The following SEMA3C variants were observed in gnomAD, a reference collection of about 807,000 sequenced individuals.
SEMA3C encodes semaphorin-3C.
Under a neutral mutation model 89.4 loss-of-function variants are expected in SEMA3C, and 47 were observed. That is an observed-to-expected ratio of 0.53 (90% CI 0.42 to 0.67). SEMA3C has a LOEUF of 0.67. Ranked by LOEUF, SEMA3C falls within the 30% of genes least tolerant of loss-of-function variation. The probability of loss-of-function intolerance (pLI) is 0.00; values close to 1 mark genes in which losing one functional copy is unlikely to be tolerated. For synonymous variants in SEMA3C, 310 were observed against 320.2 expected, an observed-to-expected ratio of 0.97 and a Z score of 0.34; for missense variants, 839 against 929.1, an observed-to-expected ratio of 0.90 and a Z score of 1.26.
intron 2 of SEMA3C, among the ~76,000 whole-genome samples, chr7:80,839,298 G>T (rs2115868418): frequency 6.6e-6 from 1 of 152,250 alleles, no homozygotes; most frequent in Non-Finnish European, 1.5e-5. Flanking sequence ...TGTAGAGGAG[G>T]AAACACTTCA....
At chr7:80,798,772 T>C (rs532499431) in intron 10 of SEMA3C, among the ~76,000 whole-genome samples, 6 of 152,194 alleles carry the variant, frequency 3.9e-5, no homozygotes, top group African/African-American at 1.4e-4. Flanking sequence ...GAACAAAAAA[T>C]AGGGGCCCAA....
intron 12 of SEMA3C, 72 bp downstream of exon 12, chr7:80,789,234 C>A: frequency 8.4e-7 from 1 of 1,194,660 alleles, no homozygotes. Flanking sequence ...AGATCATGGC[C>A]CTTACCTACT....
intron 2 of SEMA3C, among the ~76,000 whole-genome samples, chr7:80,897,152 T>C (rs1005002229): frequency 6.6e-6 from 1 of 152,274 alleles, no homozygotes; most frequent in Non-Finnish European, 1.5e-5. Flanking sequence ...TTAGTAATTA[T>C]TAGAAAAATA....
Position 80,743,923 on chromosome 7 carries a change from G to A in SEMA3C, c.*971C>T, listed in dbSNP as rs1787738323. On this transcript the variant is annotated 3_prime_UTR_variant, in exon 18 of 18. Coordinates refer to ENST00000265361, the MANE Select transcript of SEMA3C (RefSeq NM_006379.5). Reference sequence around the variant, plus strand: ...AGAATCATTGAATTTGAGTACTGAAGTTGAAAACTAGCCATATTTGTTATA... The same window carrying A: ...AGAATCATTGAATTTGAGTACTGAAATTGAAAACTAGCCATATTTGTTATA... The A allele has an allele frequency of 6.6e-6, 1 of 151,980 alleles. No individual in the cohort carries two copies. The highest frequency in any genetic ancestry group is 2.4e-5 in the African/African-American group (1 of 41,426). The allele number at this position is 151,980 out of a possible 1,614,324, so 9.4% of individuals were successfully genotyped here. A position where few individuals can be genotyped will look rare whatever the true frequency, so the allele number is the denominator to read the frequency against.
chr7:80,908,850 A>G (rs1331921149), intron 2 of SEMA3C, among the ~76,000 whole-genome samples: 1 of 152,170 alleles, frequency 6.6e-6, no homozygotes, highest in Non-Finnish European at 1.5e-5. Flanking sequence ...TTTAAGTAAT[A>G]AAGTGTTCAC....
At chr7:80,794,215 T>C (rs907222868) in intron 11 of SEMA3C, among the ~76,000 whole-genome samples, 2 of 151,846 alleles carry the variant, frequency 1.3e-5, no homozygotes, top group African/African-American at 4.8e-5. Context: ...ACCCCTTCCT[T>C]CCTTACTCAA....
intron 16 of SEMA3C, among the ~76,000 whole-genome samples, chr7:80,750,473 T>TATATATACACACACACACACAC (rs869227686): frequency 9.0e-5 from 5 of 55,454 alleles, no homozygotes; most frequent in Non-Finnish European, 1.8e-4. Context: ...TATATATATA[T>TATATATACACACACACACACAC]ACACACACAC....
At chr7:80,805,190 A>G (rs1389027592) in intron 7 of SEMA3C, among the ~76,000 whole-genome samples, 1 of 152,084 alleles carries the variant, frequency 6.6e-6, no homozygotes, top group African/African-American at 2.4e-5. Flanking sequence ...ATCTAAGTAT[A>G]AAACAAAAAG....
At chr7:80,867,655 A>G (rs1421702186) in intron 2 of SEMA3C, among the ~76,000 whole-genome samples, 2 of 152,144 alleles carry the variant, frequency 1.3e-5, no homozygotes, top group Non-Finnish European at 2.9e-5. Context: ...CAGGGCACAC[A>G]GTGGTATCAT....
intron 2 of SEMA3C, chr7:80,847,490 T>C (rs929213389): frequency 2.0e-5 from 3 of 152,238 alleles, no homozygotes; most frequent in African/African-American, 7.2e-5. Context: ...ACTATCATTT[T>C]CCACATTTAT....
At chr7:80,783,246 C>T (rs752134424) in intron 12 of SEMA3C, among the ~76,000 whole-genome samples, 26 of 152,136 alleles carry the variant, frequency 1.7e-4, no homozygotes, top group Non-Finnish European at 2.5e-4. Flanking sequence ...TTAGCATTCA[C>T]TCAGGGCTAT....
chr7:80,921,079 CG>C (rs1228991548), upstream of SEMA3C, among the ~76,000 whole-genome samples: 1 of 152,124 alleles, frequency 6.6e-6, no homozygotes, highest in Non-Finnish European at 1.5e-5. Context: ...GCATCTCAAA[CG>C]GTGTATTTAC....
Position 80,802,766 on chromosome 7 carries a change from C to G in SEMA3C, c.815G>C (p.Gly272Ala). 1 of 1,611,168 alleles carries G rather than the reference C, an allele frequency of 6.2e-7. No homozygotes were observed. The highest frequency in any genetic ancestry group is 8.5e-7 in the Non-Finnish European group (1 of 1,177,704). Residue 272 changes from glycine (G) to alanine (A), a missense_variant, in exon 9 of 18, where the codon GGA (glycine) becomes GCA (alanine). Coordinates refer to ENST00000265361, the MANE Select transcript of SEMA3C (RefSeq NM_006379.5). Reference protein sequence around the residue: ...IARICPNDTGGLRSLVNKWTT... With the variant: ...IARICPNDTGALRSLVNKWTT... Reference sequence around the variant, plus strand: ...CCACTTGTTGACAAGGCTACGCAGTCCACCAGTGTCATTCTAAAACCATTT... The same window carrying G: ...CCACTTGTTGACAAGGCTACGCAGTGCACCAGTGTCATTCTAAAACCATTT...
At position 80,802,833 on chromosome 7, in the gene SEMA3C, A is replaced by G; in HGVS notation, c.802-54T>C. The G allele has an allele frequency of 2.9e-6, 4 of 1,381,664 alleles. No individual in the cohort carries two copies. In the South Asian group the frequency reaches 3.6e-5, roughly 12 times the overall value. The allele number at this position is 1,381,664 out of a possible 1,614,324, so 85.6% of individuals were successfully genotyped here. ...ATTGCTTAAGTAAATATTGAAGCAC[A>G]TTAAAAATTCGACTTGTACTCTAGT... is the stretch of plus-strand genomic sequence containing the variant. On this transcript the variant is annotated intron_variant, in intron 8 of 17. Coordinates refer to ENST00000265361, the MANE Select transcript of SEMA3C (RefSeq NM_006379.5).
chr7:80,794,258 C>A (rs1789010189), intron 11 of SEMA3C, among the ~76,000 whole-genome samples: 1 of 152,032 alleles, frequency 6.6e-6, no homozygotes, highest in South Asian at 2.1e-4. Context: ...AGGGCAAGCT[C>A]AATCTCACAT....
chr7:80,871,332 G>C (rs1274782058), intron 2 of SEMA3C, among the ~76,000 whole-genome samples: 1 of 152,258 alleles, frequency 6.6e-6, no homozygotes, highest in African/African-American at 2.4e-5. Context: ...TCCTTGCCTA[G>C]AGACCTTTAA....
chr7:80,856,536 GAAAAAAAA>G (rs397970593), intron 2 of SEMA3C, among the ~76,000 whole-genome samples: 1 of 49,192 alleles, frequency 2.0e-5, no homozygotes. Flanking sequence ...ATTGGTTAAG[GAAAAAAAA>G]AAAAAAAAAA....
chr7:80,824,189 G>C (rs1024501259), intron 4 of SEMA3C, among the ~76,000 whole-genome samples: 10 of 152,088 alleles, frequency 6.6e-5, no homozygotes, highest in African/African-American at 2.4e-4. Context: ...TAGCAGTATG[G>C]ATTTTAATTG....
At chr7:80,749,099 G>T in intron 16 of SEMA3C, 71 bp from the exon 17 acceptor site, 2 of 1,444,732 alleles carry the variant, frequency 1.4e-6, no homozygotes, top group Non-Finnish European at 9.3e-7. Flanking sequence ...TTCTCCTGTA[G>T]AAATGCTATA....
Sources: allele counts gnomAD v4.1 joint callset (sites outside exome capture counted in the v4.1 genomes callset), GRCh38; gene constraint gnomAD v4.1.1; transcripts MANE v1.5; gene names NCBI Gene and HGNC (gene_info 2026-07-23, HGNC 2026-07-21).